Variants in MTOR observed in about 807,000 individuals in gnomAD.
MTOR encodes the protein serine/threonine-protein kinase mTOR.
Under a neutral mutation model 319.8 loss-of-function variants are expected in MTOR, and 70 were observed. The ratio of observed to expected loss-of-function variants is 0.22; its 90% CI spans 0.18 to 0.27. The LOEUF (loss-of-function observed/expected upper bound fraction) is 0.27, where lower values mean the gene tolerates loss of function less well. Among genes scored for constraint, MTOR ranks in the 10% least tolerant of loss-of-function variants. The pLI is 1.00. For synonymous variants in MTOR, 1,183 were observed against 1,211.4 expected (o/e 0.98, Z 0.49); for missense variants, 1,890 against 3,274.4 (o/e 0.58, Z 10.32).
At chr1:11,116,029 T>A (rs1642148365) in intron 50 of MTOR, among the ~76,000 whole-genome samples, 1 of 152,202 alleles carries the variant, frequency 6.6e-6, no homozygotes, top group Non-Finnish European at 1.5e-5. Flanking sequence ...AATCTACTAT[T>A]TTTGTGGGGT....
intron 28 of MTOR, among the ~76,000 whole-genome samples, chr1:11,178,611 C>G (rs1645057679): frequency 1.3e-5 from 2 of 152,156 alleles, no homozygotes; most frequent in South Asian, 4.1e-4. Flanking sequence ...TCTTGTGATG[C>G]CTGCAGGTTC....
At chr1:11,262,172 A>C (rs1651223193) in intron 1 of MTOR, among the ~76,000 whole-genome samples, 1 of 152,070 alleles carries the variant, frequency 6.6e-6, no homozygotes, top group Non-Finnish European at 1.5e-5. Context: ...CAGGCAAAAG[A>C]CCCAAAGGGC....
intron 25 of MTOR, among the ~76,000 whole-genome samples, chr1:11,206,158 A>C (rs1646131219): frequency 6.6e-6 from 1 of 152,244 alleles, no homozygotes; most frequent in Non-Finnish European, 1.5e-5. Flanking sequence ...TGTTGAGCAC[A>C]ATGGGAACAT....
intron 28 of MTOR, among the ~76,000 whole-genome samples, chr1:11,188,470 G>A (rs1259502032): frequency 6.6e-6 from 1 of 152,070 alleles, no homozygotes; most frequent in African/African-American, 2.4e-5. Context: ...TAGGTGACAG[G>A]GATTCTTTTC....
rs751960147 is a variant in MTOR, at chr1:11,129,825, G to A, written c.5627C>T (p.Thr1876Ile). ...QKKVTEDLSK[T>I]LLMYTVPAVQ... is the part of the protein sequence containing the mutation. Reference sequence around the variant, plus strand: ...GGCAGGCACCGTGTACATCAGGAGGGTTTTGGACAGATCCTGTTGGAACAC... The same window carrying A: ...GGCAGGCACCGTGTACATCAGGAGGATTTTGGACAGATCCTGTTGGAACAC... Residue 1876 changes from threonine to isoleucine, a missense_variant, in exon 40 of 58, where the codon ACC becomes ATC. Physicochemically the swap from Thr to Ile is moderately conservative, Grantham distance 89 (BLOSUM62 -1). This residue lies in a region of MTOR where 249 missense variants were observed against 596.2 expected (regional missense o/e 0.42). Transcript: ENST00000361445. This position sits in a 1 kb window ranked among gnomAD's most constrained non-coding sequence, Gnocchi z 4.7. The A allele has an allele frequency of 3.7e-6, 6 of 1,614,134 alleles. No homozygotes were observed. The East Asian group carries it at 6.7e-5, about 18-fold the overall frequency.
Position 11,244,296 on chromosome 1 carries a change from T to TA in MTOR, c.1226-997dup, listed in dbSNP as rs35865993. 6.2e-3 allele frequency among the ~76,000 whole-genome samples: 553 copies of TA among 88,978 alleles called. 8 individuals carry two copies. The highest frequency in any genetic ancestry group is 0.021 in the African/African-American group (511 of 23,896). 58.4% of individuals were successfully genotyped at this position (88,978 alleles called of 152,430 possible). ...AACAAGAGCAAAACTACATCTCATT[T>TA]AAAAAAAAAAAAAAAAAAAAGACCC... On this transcript the variant is annotated intron_variant, in intron 8 of 57. Transcript: ENST00000361445.
At chr1:11,245,464 T>C (rs188649637) in intron 8 of MTOR, among the ~76,000 whole-genome samples, 17 of 152,332 alleles carry the variant, frequency 1.1e-4, no homozygotes, top group African/African-American at 3.8e-4. Flanking sequence ...TTTTCTCCCA[T>C]GGCTCTTGTG....
chr1:11,187,533 C>A (rs567195674), intron 28 of MTOR, among the ~76,000 whole-genome samples: 4 of 152,298 alleles, frequency 2.6e-5, no homozygotes, highest in Non-Finnish European at 4.4e-5. Flanking sequence ...CTGCCACTCA[C>A]CTCCTGCTGT....
Position 11,129,907 on chromosome 1 carries a change from G to T in MTOR, c.5614-69C>A. Reference sequence around the variant, plus strand: ...TCTCATCTGTAAAATGGGCATAAGAGCATACTAACTGTACCTACTTCAAAG... The same window carrying T: ...TCTCATCTGTAAAATGGGCATAAGATCATACTAACTGTACCTACTTCAAAG... On this transcript the variant is annotated intron_variant, in intron 39 of 57. Coordinates refer to ENST00000361445, the MANE Select transcript of MTOR (RefSeq NM_004958.4). This position sits in a 1 kb window ranked among gnomAD's most constrained non-coding sequence, Gnocchi z 4.7. The T allele has an allele frequency of 7.4e-7, 1 of 1,344,726 alleles. No homozygotes were observed. Among genetic ancestry groups the T allele is most frequent in the Non-Finnish European group, 1.1e-6 (1 of 941,574 alleles). 83.3% of individuals were successfully genotyped at this position (1,344,726 alleles called of 1,614,324 possible).
In MTOR at chr1:11,107,481, C is replaced by A; in HGVS notation, c.*4G>T. The A allele has an allele frequency of 1.9e-6, 3 of 1,612,896 alleles. No individual in the cohort carries two copies. Among genetic ancestry groups the A allele is most frequent in the Non-Finnish European group, 2.5e-6 (3 of 1,179,690 alleles). On this transcript the variant is annotated 3_prime_UTR_variant, in exon 58 of 58. Coordinates refer to ENST00000361445, the MANE Select transcript of MTOR (RefSeq NM_004958.4). ...AAACGTGATGGGCACATCTGGGCCT[C>A]CAGTTACCAGAAAGGGCACCTAAGA...
Position 11,115,533 on chromosome 1 carries a change from G to C in MTOR, c.7017-65C>G. On this transcript the variant is annotated intron_variant, in intron 50 of 57. Coordinates refer to ENST00000361445, the MANE Select transcript of MTOR (RefSeq NM_004958.4). The surrounding 1 kb of genome is among the most constrained non-coding windows in gnomAD (Gnocchi z 4.5). ...AGATAACGGATGAAAAAATCAATAA[G>C]TACGTGATACTGTAAGCTAGGAGTT... 1 of 1,476,338 alleles carries C rather than the reference G, an allele frequency of 6.8e-7. No individual in the cohort carries two copies. Among genetic ancestry groups the C allele is most frequent in the African/African-American group, 1.4e-5 (1 of 72,268 alleles). The allele number at this position is 1,476,338 out of a possible 1,614,324, so 91.5% of individuals were successfully genotyped here.
chr1:11,144,431 A>T, intron 34 of MTOR: 1 of 497,234 alleles, frequency 2.0e-6, no homozygotes, highest in East Asian at 2.9e-5. Flanking sequence ...CCTAGAGAAG[A>T]GAATAAGAAG....
At chr1:11,257,869 G>C (rs2100981883) in intron 3 of MTOR, among the ~76,000 whole-genome samples, 1 of 152,204 alleles carries the variant, frequency 6.6e-6, no homozygotes, top group East Asian at 1.9e-4. Flanking sequence ...CAGCACTCTG[G>C]GAGGCTGAGG....
chr1:11,187,332 G>A (rs1230509763), intron 28 of MTOR, among the ~76,000 whole-genome samples: 2 of 151,248 alleles, frequency 1.3e-5, no homozygotes, highest in African/African-American at 2.4e-5. Context: ...GTGGGGGTGG[G>A]GAGATGGGGG....
In MTOR at chr1:11,248,186, A is replaced by G; in HGVS notation, c.841-92T>C. 3.0e-6 allele frequency: 4 copies of G among 1,336,108 alleles called. No individual in the cohort carries two copies. In the South Asian group the frequency reaches 5.7e-5, roughly 19 times the overall value. The allele number at this position is 1,336,108 out of a possible 1,614,324, so 82.8% of individuals were successfully genotyped here. On this transcript the variant is annotated intron_variant, in intron 6 of 57. Coordinates refer to ENST00000361445, the MANE Select transcript of MTOR (RefSeq NM_004958.4). Reference sequence around the variant, plus strand: ...TTCTACAGACAATTACATTTGCCTAATCCCGAAACGCAACTACTTCCAAAG... The same window carrying G: ...TTCTACAGACAATTACATTTGCCTAGTCCCGAAACGCAACTACTTCCAAAG...
intron 28 of MTOR, among the ~76,000 whole-genome samples, chr1:11,185,458 T>G (rs1002497755): frequency 2.7e-5 from 4 of 149,488 alleles, no homozygotes; most frequent in Admixed American, 2.7e-4. Context: ...GAAAAAAAGA[T>G]AGTTGGGTGT....
chr1:11,143,856 T>C (rs989133853), intron 34 of MTOR: 2 of 152,052 alleles, frequency 1.3e-5, no homozygotes, highest in African/African-American at 2.4e-5. Flanking sequence ...CTTTCTCTCT[T>C]TTTTCTTTTG....
intron 13 of MTOR, among the ~76,000 whole-genome samples, chr1:11,235,686 T>G (rs1647186813): frequency 6.6e-6 from 1 of 151,994 alleles, no homozygotes; most frequent in Non-Finnish European, 1.5e-5. Context: ...ATATCAGCTT[T>G]AAGAAGATTA....
rs1281675553 is a variant in MTOR at position 11,126,766 on chromosome 1, G to T, written c.6382C>A (p.Pro2128Thr). Residue 2128 changes from proline to threonine, a missense_variant, in exon 46 of 58, where the codon CCA (proline) becomes ACA (threonine). By Grantham distance (38) the Pro-to-Thr change is conservative (BLOSUM62 -1). Coordinates refer to ENST00000361445, the MANE Select transcript of MTOR (RefSeq NM_004958.4). Reference sequence around the variant, plus strand: ...AGGTCCCGGCACATCAGAAGTTTTGGGGAAACATATTGCAGCTCTAAGGAT... The same window carrying T: ...AGGTCCCGGCACATCAGAAGTTTTGTGGAAACATATTGCAGCTCTAAGGAT... The part of the protein sequence containing the change: ...LTSLELQYVS[P>T]KLLMCRDLEL... The T allele has an allele frequency of 6.2e-7, 1 of 1,613,912 alleles. No homozygotes were observed. Among genetic ancestry groups the T allele is most frequent in the Non-Finnish European group, 8.5e-7 (1 of 1,180,000 alleles).
Sources: allele counts gnomAD v4.1 joint callset (sites outside exome capture counted in the v4.1 genomes callset), GRCh38; gene constraint gnomAD v4.1.1; regional missense constraint gnomAD v4.1.1; non-coding constraint Gnocchi (gnomAD v3.1); transcripts MANE v1.5; gene names NCBI Gene and HGNC (gene_info 2026-07-23, HGNC 2026-07-21).